NOL4L: variants seen among roughly 807,000 people sequenced by gnomAD.
NOL4L encodes the protein nucleolar protein 4-like.
Under a neutral mutation model 64.5 loss-of-function variants are expected in NOL4L, and 7 were observed. The observed-to-expected ratio is 0.11, with a 90% CI of 0.06 to 0.20. The LOEUF (loss-of-function observed/expected upper bound fraction) is 0.20. Ranked by LOEUF, NOL4L falls within the 10% of genes least tolerant of loss-of-function variation. The pLI is 1.00. For missense variants in NOL4L, 680 were observed against 967.1 expected, an observed-to-expected ratio of 0.70 and a Z score of 3.94; for synonymous variants, 413 against 401.0, an observed-to-expected ratio of 1.03 and a Z score of -0.36.
intron 4 of NOL4L, among the ~76,000 whole-genome samples, chr20:32,499,850 A>G (rs1450315632): frequency 6.6e-6 from 1 of 152,054 alleles, no homozygotes. Flanking sequence ...AATTCCTACT[A>G]GATATTAAAA....
chr20:32,510,493 C>G (rs910994250), intron 4 of NOL4L: 1 of 162,068 alleles, frequency 6.2e-6, no homozygotes. Context: ...GTGCACAGGA[C>G]GGCCGCACCC....
intron 1 of NOL4L, among the ~76,000 whole-genome samples, chr20:32,548,174 A>G (rs973560884): frequency 6.6e-6 from 1 of 152,242 alleles, no homozygotes; most frequent in Non-Finnish European, 1.5e-5. Flanking sequence ...GCCCAAAGAC[A>G]GGTGGGATGG....
At chr20:32,475,298 C>T (rs2015318097) in intron 4 of NOL4L, 1 of 985,360 alleles carries the variant, frequency 1.0e-6, no homozygotes, top group African/African-American at 1.7e-5. Flanking sequence ...CTTTGCTGTG[C>T]TTCAAAGATA....
chr20:32,534,714 A>T (rs1178675387), intron 1 of NOL4L, among the ~76,000 whole-genome samples: 4 of 150,920 alleles, frequency 2.7e-5, no homozygotes, highest in African/African-American at 9.8e-5. Context: ...GGAGGTCTCT[A>T]CAGAAAATGC....
intron 1 of NOL4L, among the ~76,000 whole-genome samples, chr20:32,528,979 G>A (rs1311426059): frequency 6.6e-6 from 1 of 152,226 alleles, no homozygotes; most frequent in Non-Finnish European, 1.5e-5. Flanking sequence ...CCAACTCAAG[G>A]ATGTCAGCAA....
chr20:32,483,057 A>C (rs2145498530), intron 4 of NOL4L, among the ~76,000 whole-genome samples: 1 of 147,246 alleles, frequency 6.8e-6, no homozygotes, highest in Admixed American at 6.7e-5. Flanking sequence ...GCTCAGGGCC[A>C]GACACACCTC....
chr20:32,453,801 C>T lies in NOL4L; in HGVS notation c.1120-40G>A, dbSNP rs2013187478. The T allele has an allele frequency of 6.5e-7, 1 of 1,539,682 alleles. No homozygotes were observed. The highest frequency in any genetic ancestry group is 8.8e-7 in the Non-Finnish European group (1 of 1,137,764). ...AGAGGCAGAGGGTTGGGCCAAGCAG[C>T]TGCTCAAGCCCTTGCTGGGTCTCCT... On this transcript the variant is annotated intron_variant, in intron 6 of 10. Transcript: ENST00000621426. This position sits in a 1 kb window ranked among gnomAD's most constrained non-coding sequence, Gnocchi z 5.6.
chr20:32,578,137 A>ACGG, intron 1 of NOL4L, among the ~76,000 whole-genome samples: 1 of 86,680 alleles, frequency 1.2e-5, no homozygotes, highest in Admixed American at 1.3e-4. Flanking sequence ...GGAAGGAAGG[A>ACGG]AGGAGGGAGG....
rs1487067008 is a variant in NOL4L, at chr20:32,494,267, A to C, written c.699+17080T>G. Among the ~76,000 whole-genome samples, 123 of 141,860 alleles carry C rather than the reference A, an allele frequency of 8.7e-4. 4 individuals are homozygous for C. The highest frequency in any genetic ancestry group is 7.4e-3 in the South Asian group (34 of 4,588). 93.1% of individuals were successfully genotyped at this position (141,860 alleles called of 152,430 possible). A position where few individuals can be genotyped will look rare whatever the true frequency, so the allele number is the denominator to read the frequency against. On this transcript the variant is annotated intron_variant, in intron 4 of 10. Transcript: ENST00000621426. ...GATAATCTCGGGAAAAAAAAAAAAA[A>C]AAAAAAAAAAAAAAACACACAACAC...
At chr20:32,543,020 C>T (rs1264164882) in intron 1 of NOL4L, among the ~76,000 whole-genome samples, 1 of 152,168 alleles carries the variant, frequency 6.6e-6, no homozygotes, top group Admixed American at 6.5e-5. Context: ...CTGTGGTGCT[C>T]TTGCCTTGAG....
chr20:32,455,433 A>G lies in NOL4L; in HGVS notation c.1119+685T>C, dbSNP rs1030058512. On this transcript the variant is annotated intron_variant, in intron 6 of 10. Coordinates refer to ENST00000621426, the MANE Select transcript of NOL4L (RefSeq NM_001256798.2). Reference sequence around the variant, plus strand: ...GCACCTACTCCACTCTCTCTGCAGAAGAGAAAACAGGCCCAGAGAGGGAGA... The same window carrying G: ...GCACCTACTCCACTCTCTCTGCAGAGGAGAAAACAGGCCCAGAGAGGGAGA... 2.0e-5 allele frequency among the ~76,000 whole-genome samples: 3 copies of G among 152,244 alleles called. No individual in the cohort carries two copies. In the South Asian group the frequency reaches 6.2e-4, roughly 32 times the overall value.
intron 1 of NOL4L, among the ~76,000 whole-genome samples, chr20:32,548,119 G>A (rs186818085): frequency 2.6e-3 from 391 of 152,292 alleles, no homozygotes; most frequent in Middle Eastern, 6.8e-3. Flanking sequence ...TGTCAATACC[G>A]TTTTACAGAT....
rs1336204733 is a variant in NOL4L, at chr20:32,453,155, G to A, written c.1497+149C>T. 4.9e-6 allele frequency: 7 copies of A among 1,416,434 alleles called. No homozygotes were observed. 87.7% of individuals were successfully genotyped at this position (1,416,434 alleles called of 1,614,324 possible). ...AGCTGTGTGATCTTTCTGGGCCTTAGTTCCCTCATTTGCAAACCAGGGATT... is the reference window on the plus strand; with the variant it reads ...AGCTGTGTGATCTTTCTGGGCCTTAATTCCCTCATTTGCAAACCAGGGATT... On this transcript the variant is annotated intron_variant, in intron 8 of 10. Transcript: ENST00000621426. This position sits in a 1 kb window ranked among gnomAD's most constrained non-coding sequence, Gnocchi z 5.6.
intron 4 of NOL4L, among the ~76,000 whole-genome samples, chr20:32,484,005 T>C (rs2145501242): frequency 6.7e-6 from 1 of 148,212 alleles, no homozygotes; most frequent in South Asian, 2.2e-4. Flanking sequence ...TGCCTACCCA[T>C]CGCTCCCGGA....
intron 1 of NOL4L, among the ~76,000 whole-genome samples, chr20:32,538,313 G>A (rs1482612977): frequency 6.6e-6 from 1 of 152,156 alleles, no homozygotes; most frequent in Non-Finnish European, 1.5e-5. Context: ...CAGGCCCAGG[G>A]TTGGGGGGTG....
intron 4 of NOL4L, among the ~76,000 whole-genome samples, chr20:32,488,865 TTCTTTCTTTC>T (rs2016317532): frequency 1.9e-5 from 2 of 105,734 alleles, no homozygotes; most frequent in South Asian, 5.8e-4. Flanking sequence ...CTTTCTTTCT[TTCTTTCTTTC>T]TTTCTTTCTT....
intron 5 of NOL4L, among the ~76,000 whole-genome samples, chr20:32,461,768 AAATTACCT>A (rs1209114614): frequency 6.7e-6 from 1 of 149,480 alleles, no homozygotes; most frequent in Non-Finnish European, 1.5e-5. Flanking sequence ...TGCTTGGAAG[AAATTACCT>A]ATTTCTTCCA....
chr20:32,473,027 G>T (rs961681788), intron 5 of NOL4L, among the ~76,000 whole-genome samples: 1 of 152,206 alleles, frequency 6.6e-6, no homozygotes, highest in African/African-American at 2.4e-5. Flanking sequence ...GCCACTGTCA[G>T]CTACCTGATC....
intron 1 of NOL4L, among the ~76,000 whole-genome samples, chr20:32,578,379 C>T (rs776079644): frequency 2.3e-4 from 35 of 152,066 alleles, no homozygotes; most frequent in Admixed American, 6.6e-5. Context: ...GGCCCATGGG[C>T]CTAGCCTCGT....
Sources: gnomAD v4.1 joint callset for allele counts (sites outside exome capture counted in the v4.1 genomes callset) on GRCh38, gnomAD v4.1.1 for gene constraint, Gnocchi (gnomAD v3.1) non-coding constraint, MANE v1.5 for transcripts, NCBI Gene and HGNC (gene_info 2026-07-23, HGNC 2026-07-21) for gene names.